Variants in CDH8 observed in about 807,000 individuals in gnomAD.
CDH8 encodes cadherin-8.
In CDH8, 17 loss-of-function variants were observed where a neutral mutation model predicts 68.1. The ratio of observed to expected loss-of-function variants is 0.25; its 90% CI spans 0.17 to 0.37. CDH8 has a LOEUF of 0.37. CDH8 is among the 10% of genes least tolerant of loss of function. The probability of loss-of-function intolerance (pLI) is 1.00; values close to 1 mark genes in which losing one functional copy is unlikely to be tolerated. For missense variants in CDH8, 763 were observed against 999.3 expected (o/e 0.76, Z 3.19); for synonymous variants, 372 against 365.1 (o/e 1.02, Z -0.21).
At chr16:61,794,427 G>C (rs1961451269) in intron 7 of CDH8, among the ~76,000 whole-genome samples, 1 of 151,956 alleles carries the variant, frequency 6.6e-6, no homozygotes, top group African/African-American at 2.4e-5. Flanking sequence ...CTTTAAATGA[G>C]GTAATGCTTA....
In CDH8 at chr16:61,960,051, G is replaced by A. The variant is rs1242626532; in HGVS notation, c.253-58578C>T. Among the ~76,000 whole-genome samples, 61 of 46,850 alleles carry A rather than the reference G, an allele frequency of 1.3e-3. 8 individuals are homozygous for A. Among genetic ancestry groups the A allele is most frequent in the African/African-American group, 4.9e-3 (37 of 7,494 alleles). The allele number at this position is 46,850 out of a possible 152,430, so 30.7% of individuals were successfully genotyped here. A position where few individuals can be genotyped will look rare whatever the true frequency, so the allele number is the denominator to read the frequency against. On this transcript the variant is annotated intron_variant, in intron 2 of 11. Transcript: ENST00000577390. ...ACACACACACACAACATATATGTAT[G>A]TATGTGTGTGTGTATACACATACAT...
At chr16:61,798,810 C>T (rs1158881991) in intron 7 of CDH8, among the ~76,000 whole-genome samples, 1 of 152,168 alleles carries the variant, frequency 6.6e-6, no homozygotes, top group Non-Finnish European at 1.5e-5. Context: ...TGTTCAATTA[C>T]TCTATATTGG....
intron 2 of CDH8, among the ~76,000 whole-genome samples, chr16:61,923,481 T>C (rs1964407068): frequency 6.6e-6 from 1 of 152,056 alleles, no homozygotes; most frequent in Non-Finnish European, 1.5e-5. Context: ...TCACAAAACA[T>C]GGGTCTGAAA....
At chr16:61,846,140 T>TATCC (rs1377542501) in intron 4 of CDH8, among the ~76,000 whole-genome samples, 1 of 152,122 alleles carries the variant, frequency 6.6e-6, no homozygotes, top group Non-Finnish European at 1.5e-5. Flanking sequence ...GAATCATCCA[T>TATCC]ATCCAGATGA....
chr16:61,862,457 TA>T (rs1963169347), intron 3 of CDH8, among the ~76,000 whole-genome samples: 1 of 152,178 alleles, frequency 6.6e-6, no homozygotes, highest in African/African-American at 2.4e-5. Context: ...GACAAGCTTT[TA>T]CCCATGTACT....
intron 4 of CDH8, among the ~76,000 whole-genome samples, chr16:61,830,907 T>C (rs1372307876): frequency 1.3e-5 from 2 of 151,884 alleles, no homozygotes; most frequent in East Asian, 1.9e-4. Context: ...ACAACTTTTA[T>C]TTTTTACTTT....
intron 4 of CDH8, among the ~76,000 whole-genome samples, chr16:61,844,017 G>A (rs1962744501): frequency 6.6e-6 from 1 of 151,898 alleles, no homozygotes; most frequent in Non-Finnish European, 1.5e-5. Context: ...CAAAGACTTG[G>A]AACCAACCGA....
intron 10 of CDH8, among the ~76,000 whole-genome samples, chr16:61,709,334 A>G (rs1964586973): frequency 6.6e-6 from 1 of 152,092 alleles, no homozygotes; most frequent in South Asian, 2.1e-4. Flanking sequence ...AAGGCAGAGG[A>G]CAGAATGACT....
intron 4 of CDH8, among the ~76,000 whole-genome samples, chr16:61,842,933 G>A (rs1157501352): frequency 2.0e-5 from 3 of 152,170 alleles, no homozygotes; most frequent in Non-Finnish European, 2.9e-5. Flanking sequence ...AGAGACAGGT[G>A]TTGGCAGTCA....
At chr16:61,742,631 T>A (rs1959908095) in intron 8 of CDH8, among the ~76,000 whole-genome samples, 1 of 152,206 alleles carries the variant, frequency 6.6e-6, no homozygotes, top group Admixed American at 6.6e-5. Context: ...TATTTTAATT[T>A]GAATAAAAAC....
At chr16:62,017,008 A>G (rs1638932361) in intron 2 of CDH8, among the ~76,000 whole-genome samples, 3 of 152,246 alleles carry the variant, frequency 2.0e-5, no homozygotes, top group Admixed American at 1.3e-4. Flanking sequence ...TGGTCTATAA[A>G]ATACTCATAT....
At chr16:61,957,988 T>C (rs574762383) in intron 2 of CDH8, among the ~76,000 whole-genome samples, 57 of 152,310 alleles carry the variant, frequency 3.7e-4, no homozygotes, top group African/African-American at 1.3e-3. Flanking sequence ...GGGTAATTGA[T>C]AGTTAACATA....
At chr16:61,958,406 A>G (rs1418486060) in intron 2 of CDH8, among the ~76,000 whole-genome samples, 1 of 152,216 alleles carries the variant, frequency 6.6e-6, no homozygotes, top group Non-Finnish European at 1.5e-5. Context: ...ACATCAATAT[A>G]AGAAAGCAAT....
intron 10 of CDH8, among the ~76,000 whole-genome samples, chr16:61,697,247 G>T (rs891872948): frequency 1.3e-5 from 2 of 152,044 alleles, no homozygotes; most frequent in South Asian, 2.1e-4. Context: ...CATGTGGGTT[G>T]GTTTTCAGGG....
At chr16:61,716,631 A>AGAG (rs2142873183) in intron 9 of CDH8, among the ~76,000 whole-genome samples, 1 of 151,828 alleles carries the variant, frequency 6.6e-6, no homozygotes, top group Admixed American at 6.6e-5. Flanking sequence ...AAGAGGCTTT[A>AGAG]TATTGTCAAG....
At chr16:62,032,975 T>C (rs1902363696) in intron 1 of CDH8, among the ~76,000 whole-genome samples, 1 of 152,200 alleles carries the variant, frequency 6.6e-6, no homozygotes, top group African/African-American at 2.4e-5. Context: ...CAATAAACAA[T>C]GAAAGGAACC....
At chr16:61,954,051 C>G (rs982383815) in intron 2 of CDH8, among the ~76,000 whole-genome samples, 1 of 151,434 alleles carries the variant, frequency 6.6e-6, no homozygotes, top group Admixed American at 6.6e-5. Context: ...TTGTATTGAC[C>G]AACTCCATAA....
At chr16:61,987,397 C>T (rs148982105) in intron 2 of CDH8, among the ~76,000 whole-genome samples, 3,095 of 152,156 alleles carry the variant, frequency 0.02, 105 homozygotes, top group African/African-American at 0.071. Context: ...ATCCCAGCTA[C>T]ATGGGAGGCT....
At chr16:61,998,405 A>T (rs1965842313) in intron 2 of CDH8, among the ~76,000 whole-genome samples, 1 of 152,134 alleles carries the variant, frequency 6.6e-6, no homozygotes, top group East Asian at 1.9e-4. Context: ...ATTCAAAGAG[A>T]TCAGGTTATT....
Sources: gnomAD v4.1 joint callset for allele counts (sites outside exome capture counted in the v4.1 genomes callset) on GRCh38, gnomAD v4.1.1 for gene constraint, MANE v1.5 for transcripts, NCBI Gene and HGNC (gene_info 2026-07-23, HGNC 2026-07-21) for gene names.